The following HDAC9 variants were observed in gnomAD, a reference collection of about 807,000 sequenced individuals.
HDAC9 encodes the protein MEF-2 interacting transcription repressor (MITR) protein.
In HDAC9, 41 loss-of-function variants were observed where a neutral mutation model predicts 139.4. The ratio of observed to expected loss-of-function variants is 0.29; its 90% CI spans 0.23 to 0.38. The LOEUF (loss-of-function observed/expected upper bound fraction) is 0.38, where lower values mean the gene tolerates loss of function less well. Among genes scored for constraint, HDAC9 ranks in the 10% least tolerant of loss-of-function variants. The pLI is 1.00. For synonymous variants in HDAC9, 517 were observed against 476.2 expected (o/e 1.09, Z -1.12); for missense variants, 1,147 against 1,297.0 (o/e 0.88, Z 1.78).
intron 2 of HDAC9, among the ~76,000 whole-genome samples, chr7:18,566,934 A>G (rs772345515): frequency 6.6e-6 from 1 of 152,186 alleles, no homozygotes; most frequent in Non-Finnish European, 1.5e-5. Flanking sequence ...AGGATGTACC[A>G]TACCGTATGT....
At chr7:18,621,458 T>A (rs770116324) in intron 6 of HDAC9, among the ~76,000 whole-genome samples, 1 of 152,032 alleles carries the variant, frequency 6.6e-6, no homozygotes, top group Non-Finnish European at 1.5e-5. Context: ...TTTTGAAAAA[T>A]GGTAATCTTA....
At chr7:18,135,554 T>A (rs1270814005) in intron 1 of HDAC9, among the ~76,000 whole-genome samples, 1 of 135,496 alleles carries the variant, frequency 7.4e-6, no homozygotes, top group Non-Finnish European at 1.6e-5. Context: ...TATGCGGTGT[T>A]TGGTTTTTTG....
chr7:18,528,677 C>G (rs932947683), intron 2 of HDAC9, among the ~76,000 whole-genome samples: 2 of 152,036 alleles, frequency 1.3e-5, no homozygotes, highest in Admixed American at 6.6e-5. Flanking sequence ...TTTACAAATA[C>G]TTTTGTACTA....
chr7:18,249,445 A>C (rs200904577), intron 2 of HDAC9, among the ~76,000 whole-genome samples: 5 of 139,278 alleles, frequency 3.6e-5, no homozygotes, highest in Non-Finnish European at 6.1e-5. Context: ...GGAGGTTTCA[A>C]TGAGCTGAGA....
At chr7:18,975,031 G>A (rs1442819525) in intron 24 of HDAC9, among the ~76,000 whole-genome samples, 2 of 152,122 alleles carry the variant, frequency 1.3e-5, no homozygotes, top group Non-Finnish European at 2.9e-5. Context: ...GCTTTGATTT[G>A]GGGCTACTCA....
At chr7:18,308,578 A>G (rs1799086236) in intron 1 of HDAC9, among the ~76,000 whole-genome samples, 1 of 152,306 alleles carries the variant, frequency 6.6e-6, no homozygotes, top group African/African-American at 2.4e-5. Context: ...AAGATGTGCT[A>G]CTTCATGGAG....
chr7:18,294,132 T>A (rs1483965035), intron 1 of HDAC9, among the ~76,000 whole-genome samples: 1 of 152,078 alleles, frequency 6.6e-6, no homozygotes, highest in East Asian at 1.9e-4. Flanking sequence ...CTCAGAAAAT[T>A]CACAGGTTTG....
intron 6 of HDAC9, among the ~76,000 whole-genome samples, chr7:18,595,098 T>A (rs1340548885): frequency 6.6e-6 from 1 of 152,066 alleles, no homozygotes; most frequent in Non-Finnish European, 1.5e-5. Context: ...ATGAAGATTT[T>A]AAAATAAAAT....
intron 1 of HDAC9, among the ~76,000 whole-genome samples, chr7:18,481,518 T>A (rs1288583140): frequency 6.6e-6 from 1 of 152,214 alleles, no homozygotes. Context: ...GTTATGGTTA[T>A]AAGGGTTATA....
At chr7:18,764,239 A>T (rs941799970) in intron 15 of HDAC9, among the ~76,000 whole-genome samples, 3 of 152,158 alleles carry the variant, frequency 2.0e-5, no homozygotes, top group Non-Finnish European at 2.9e-5. Flanking sequence ...AATCTAAATA[A>T]ATTAGCCATT....
At chr7:18,130,999 A>T (rs1729318) in intron 1 of HDAC9, among the ~76,000 whole-genome samples, 67,201 of 151,540 alleles carry the variant, frequency 0.44, 17,630 homozygotes, top group African/African-American at 0.74. Flanking sequence ...AGTTTCTTAT[A>T]ATCGAGTGTT....
At chr7:18,120,749 TCATA>T (rs1402413428) in intron 1 of HDAC9, among the ~76,000 whole-genome samples, 8 of 152,226 alleles carry the variant, frequency 5.3e-5, no homozygotes, top group Admixed American at 1.3e-4. Flanking sequence ...TTAGTGTTGC[TCATA>T]CATATGCATT....
intron 22 of HDAC9, among the ~76,000 whole-genome samples, chr7:18,882,344 C>T (rs983275274): frequency 3.3e-5 from 5 of 151,822 alleles, no homozygotes; most frequent in African/African-American, 4.8e-5. Context: ...TTAATATTTC[C>T]CTTTAATAGG....
At chr7:18,995,989 A>G in intron 25 of HDAC9, 34 bp from the exon 26 acceptor site, 2 of 1,548,860 alleles carry the variant, frequency 1.3e-6, no homozygotes, top group Non-Finnish European at 8.8e-7. Context: ...GTGTACTCTT[A>G]TGCCGTATTC....
intron 1 of HDAC9, among the ~76,000 whole-genome samples, chr7:18,443,261 A>G (rs147287444): frequency 1.8e-4 from 28 of 152,282 alleles, no homozygotes; most frequent in African/African-American, 6.3e-4. Context: ...ATTATATTTT[A>G]TCATTAATTT....
At chr7:18,436,285 T>A (rs1338842186) in intron 1 of HDAC9, among the ~76,000 whole-genome samples, 3 of 152,218 alleles carry the variant, frequency 2.0e-5, no homozygotes, top group South Asian at 4.1e-4. Flanking sequence ...TCAAATAAAA[T>A]TATGCAAATT....
At chr7:18,642,244 C>A (rs570851224) in intron 8 of HDAC9, among the ~76,000 whole-genome samples, 1 of 147,562 alleles carries the variant, frequency 6.8e-6, no homozygotes, top group Non-Finnish European at 1.5e-5. Flanking sequence ...ATAAAGTCAC[C>A]GGAGCTTTTT....
chr7:18,369,032 ATTAT>A (rs957835463), intron 1 of HDAC9, among the ~76,000 whole-genome samples: 3 of 152,210 alleles, frequency 2.0e-5, no homozygotes, highest in South Asian at 2.1e-4. Flanking sequence ...GTGCTTTCAC[ATTAT>A]TTATGTATGG....
At chr7:18,105,016 G>T (rs1328664863) in intron 1 of HDAC9, among the ~76,000 whole-genome samples, 1 of 151,002 alleles carries the variant, frequency 6.6e-6, no homozygotes, top group Admixed American at 6.6e-5. Context: ...TATTACTTTT[G>T]GAATAGCCTT....
Sources: allele counts gnomAD v4.1 joint callset (sites outside exome capture counted in the v4.1 genomes callset), GRCh38; gene constraint gnomAD v4.1.1; transcripts MANE v1.5; gene names NCBI Gene and HGNC (gene_info 2026-07-23, HGNC 2026-07-21).